ANKMY1: variants seen among roughly 807,000 people sequenced by gnomAD.
ANKMY1 encodes the protein ankyrin repeat and MYND domain containing 1.
Under a neutral mutation model 102.0 loss-of-function variants are expected in ANKMY1, and 98 were observed. That is an observed-to-expected ratio of 0.96 (90% confidence interval 0.82 to 1.14). ANKMY1 has a LOEUF of 1.14. ANKMY1 is among the 50% of genes most tolerant of loss of function. The pLI, the probability that ANKMY1 is intolerant of heterozygous loss-of-function variation, is 0.00. For synonymous variants in ANKMY1, 582 were observed against 559.9 expected, an observed-to-expected ratio of 1.04 and a Z score of -0.56; for missense variants, 1,330 against 1,347.6, an observed-to-expected ratio of 0.99 and a Z score of 0.20.
rs772042211 is a variant in ANKMY1 at position 240,511,878 on chromosome 2, G to A, written c.2269C>T (p.Arg757Trp). Residue 757 changes from arginine (R) to tryptophan (W), a missense_variant, in exon 11 of 18, where the codon CGG becomes TGG. Transcript: ENST00000401804. ...GRTALHMACE[R>W]EDDNKCARDI... is the part of the protein sequence containing the mutation. Reference sequence around the variant, plus strand: ...GCCCTCACCTTGTTGTCATCCTCCCGCTCGCAGGCCATGTGCAGAGCCGTC... The same window carrying A: ...GCCCTCACCTTGTTGTCATCCTCCCACTCGCAGGCCATGTGCAGAGCCGTC... 10 of 1,589,712 alleles carry A rather than the reference G, an allele frequency of 6.3e-6. No individual in the cohort carries two copies. The highest frequency in any genetic ancestry group is 1.8e-4 in the Middle Eastern group (1 of 5,636).
At chr2:240,512,379 C>T (rs917874925) in intron 10 of ANKMY1, among the ~76,000 whole-genome samples, 2 of 152,228 alleles carry the variant, frequency 1.3e-5, no homozygotes, top group African/African-American at 2.4e-5. Context: ...CATGGCCTTG[C>T]GGCCCATGAC....
intron 11 of ANKMY1, among the ~76,000 whole-genome samples, chr2:240,510,040 A>C: frequency 1.2e-4 from 11 of 92,356 alleles, no homozygotes; most frequent in South Asian, 3.6e-4. Flanking sequence ...CTCCCTTCCT[A>C]TCTCCCTGCT....
chr2:240,555,061 AG>A lies in ANKMY1; in HGVS notation c.147-7del, dbSNP rs765881997. Reference sequence around the variant, plus strand: ...CAGGGGCTGCTGAAACATCCCTAAAAGGACAGGAGCAGAAGGAGGGAAGAGT... The same window carrying A: ...CAGGGGCTGCTGAAACATCCCTAAAAGACAGGAGCAGAAGGAGGGAAGAGT... On this transcript the variant is annotated splice_region_variant and splice_polypyrimidine_tract_variant and intron_variant, in intron 2 of 17. Coordinates refer to ENST00000401804, the MANE Select transcript of ANKMY1 (RefSeq NM_001282771.3). 20 of 1,613,636 alleles carry A rather than the reference AG, an allele frequency of 1.2e-5. No homozygotes were observed. The highest frequency in any genetic ancestry group is 1.7e-5 in the Non-Finnish European group (20 of 1,179,798).
intron 5 of ANKMY1, chr2:240,527,044 G>A (rs1311069333): frequency 1.0e-6 from 1 of 986,824 alleles, no homozygotes; most frequent in Non-Finnish European, 1.2e-6. Context: ...TGGTTGGGTA[G>A]GTGGATGTAT....
chr2:240,524,268 C>T lies in ANKMY1; in HGVS notation c.1449G>A (p.Arg483=), dbSNP rs779771607. Residue 483 remains arginine (R), a synonymous_variant, in exon 8 of 18, where the codon AGG becomes AGA. Transcript: ENST00000401804. ...NVPSQGSYEL[R]PPPAPLLLPR... is the part of the protein sequence containing the mutation. ...GCAGGAGCAGTGGTGCTGGCGGTGGCCTCAGCTCATAGCTACCCTGGGAAG... is the reference window on the plus strand; with the variant it reads ...GCAGGAGCAGTGGTGCTGGCGGTGGTCTCAGCTCATAGCTACCCTGGGAAG... The T allele has an allele frequency of 4.3e-6, 7 of 1,613,680 alleles. No individual in the cohort carries two copies. The South Asian group carries it at 6.6e-5, about 15-fold the overall frequency.
intron 4 of ANKMY1, among the ~76,000 whole-genome samples, chr2:240,547,583 T>A (rs1331969274): frequency 3.4e-3 from 441 of 128,926 alleles, no homozygotes; most frequent in Admixed American, 5.1e-3. Flanking sequence ...AGCTGGTTTT[T>A]TGAAAGGATC....
upstream of ANKMY1, chr2:240,560,590 G>A (rs2092889164): frequency 2.2e-5 from 29 of 1,325,160 alleles, no homozygotes; most frequent in Non-Finnish European, 2.8e-5. Context: ...GGCGCCCGGC[G>A]GCCCGCCCGG....
chr2:240,478,744 C>A (rs549406728), downstream of ANKMY1, among the ~76,000 whole-genome samples: 112 of 149,432 alleles, frequency 7.5e-4, 1 homozygote, highest in African/African-American at 2.7e-3. Flanking sequence ...AAAAAAAAAT[C>A]ACTGCAGGTG....
At position 240,525,824 on chromosome 2, in the gene ANKMY1, T is replaced by G; in HGVS notation, c.1196A>C (p.Asn399Thr). 6.2e-7 allele frequency: 1 copy of G among 1,614,024 alleles called. No homozygotes were observed. Among genetic ancestry groups the G allele is most frequent in the Admixed American group, 1.7e-5 (1 of 60,008 alleles). The change falls in exon 7 of 18, where the codon AAC becomes ACC. Residue 399 changes from asparagine to threonine, a missense_variant. Transcript: ENST00000401804. ...GTCGGCCCCACAGTCCAGGAGAAGG[T>G]TGACAATGTCGTTGTGGCAGTGAGT... Reference protein sequence around the residue: ...AATHCHNDIVNLLLDCGADVN... With the variant: ...AATHCHNDIVTLLLDCGADVN...
chr2:240,539,983 ACT>A (rs2088226941), intron 4 of ANKMY1, among the ~76,000 whole-genome samples: 1 of 152,110 alleles, frequency 6.6e-6, no homozygotes, highest in South Asian at 2.1e-4. Flanking sequence ...GACAAAACAG[ACT>A]CTCTATAGCA....
At chr2:240,542,568 C>T (rs1452911972) in intron 4 of ANKMY1, among the ~76,000 whole-genome samples, 2 of 151,918 alleles carry the variant, frequency 1.3e-5, no homozygotes, top group African/African-American at 2.4e-5. Flanking sequence ...CCACAGCCTT[C>T]ACTGGATTAC....
At chr2:240,502,729 G>A (rs1014954783) in intron 13 of ANKMY1, among the ~76,000 whole-genome samples, 10 of 151,260 alleles carry the variant, frequency 6.6e-5, no homozygotes, top group African/African-American at 2.2e-4. Context: ...ACTCACCAAC[G>A]CTCTCCTCCA....
chr2:240,480,203 A>G (rs2075201057), intron 17 of ANKMY1, among the ~76,000 whole-genome samples: 1 of 152,166 alleles, frequency 6.6e-6, no homozygotes, highest in Admixed American at 6.5e-5. Context: ...AAAGAAAACA[A>G]AAAGCCCCAT....
chr2:240,500,189 G>C (rs543551480), intron 14 of ANKMY1, 66 bp from the exon 15 acceptor site: 2 of 1,475,380 alleles, frequency 1.4e-6, no homozygotes, highest in South Asian at 2.6e-5. Context: ...GGTGACTCTC[G>C]GTGATCGAGG....
rs925631678 is a variant in ANKMY1 at position 240,528,925 on chromosome 2, G to A, written c.953+112C>T. The A allele has an allele frequency of 1.7e-5, 16 of 958,566 alleles. No homozygotes were observed. The South Asian group carries it at 2.5e-4, about 15-fold the overall frequency. The allele number at this position is 958,566 out of a possible 1,614,324, so 59.4% of individuals were successfully genotyped here. ...CACTTAATGGGAGGAGTGTGTTTAG[G>A]TCACCCTGAGGGAGCACTGTCAGTG... On this transcript the variant is annotated intron_variant, in intron 5 of 17. Coordinates refer to ENST00000401804, the MANE Select transcript of ANKMY1 (RefSeq NM_001282771.3).
chr2:240,516,069 C>G (rs2152276036), intron 9 of ANKMY1, among the ~76,000 whole-genome samples: 1 of 151,600 alleles, frequency 6.6e-6, no homozygotes. Flanking sequence ...GGGACAGATT[C>G]AGTTGGCCTC....
At chr2:240,546,423 C>T (rs1289387998) in intron 4 of ANKMY1, among the ~76,000 whole-genome samples, 1 of 152,154 alleles carries the variant, frequency 6.6e-6, no homozygotes, top group East Asian at 1.9e-4. Flanking sequence ...AATGTAAAGA[C>T]CATTGAGACT....
intron 15 of ANKMY1, among the ~76,000 whole-genome samples, chr2:240,496,019 T>G (rs1207059701): frequency 6.6e-6 from 1 of 152,226 alleles, no homozygotes; most frequent in Non-Finnish European, 1.5e-5. Context: ...GTGGAAGAAG[T>G]GGGCATGAAA....
At chr2:240,477,729 G>T (rs2074950306), downstream of ANKMY1, among the ~76,000 whole-genome samples, 1 of 152,236 alleles carries the variant, frequency 6.6e-6, no homozygotes, top group Admixed American at 6.5e-5. Flanking sequence ...TCTTAAATAA[G>T]CGTATATTGC....
Sources: gnomAD v4.1 joint callset for allele counts (sites outside exome capture counted in the v4.1 genomes callset) on GRCh38, gnomAD v4.1.1 for gene constraint, MANE v1.5 for transcripts, NCBI Gene and HGNC (gene_info 2026-07-23, HGNC 2026-07-21) for gene names.